Variants in ZNF804A observed in about 807,000 individuals in gnomAD.
The protein encoded by ZNF804A is zinc finger protein 804A.
ZNF804A carries 2 observed loss-of-function variants against 16.5 expected under a neutral mutation model. The observed-to-expected ratio is 0.12, with a 90% CI of 0.05 to 0.38. The LOEUF is 0.38. Among genes scored for constraint, ZNF804A ranks in the 10% least tolerant of loss-of-function variants. The pLI, the probability that ZNF804A is intolerant of heterozygous loss-of-function variation, is 0.99. For missense variants in ZNF804A, 1,473 were observed against 1,390.7 expected, an observed-to-expected ratio of 1.06 and a Z score of -0.94; for synonymous variants, 534 against 489.6, an observed-to-expected ratio of 1.09 and a Z score of -1.20.
At chr2:184,736,229 T>C (rs1319365088) in intron 1 of ZNF804A, among the ~76,000 whole-genome samples, 1 of 152,174 alleles carries the variant, frequency 6.6e-6, no homozygotes, top group African/African-American at 2.4e-5. Context: ...ATCCTGACCT[T>C]ACCAATTTCT....
chr2:184,623,317 T>A (rs1301519222), intron 1 of ZNF804A, among the ~76,000 whole-genome samples: 1 of 152,114 alleles, frequency 6.6e-6, no homozygotes, highest in Non-Finnish European at 1.5e-5. Context: ...TTCATTTTAA[T>A]GCTTGCATGA....
chr2:184,876,509 C>T (rs1177104274), intron 2 of ZNF804A, among the ~76,000 whole-genome samples: 1 of 152,020 alleles, frequency 6.6e-6, no homozygotes, highest in Admixed American at 6.6e-5. Flanking sequence ...CCTACAGAGC[C>T]CTCAAACCCA....
chr2:184,781,655 A>G (rs1038778586), intron 1 of ZNF804A, among the ~76,000 whole-genome samples: 1 of 151,806 alleles, frequency 6.6e-6, no homozygotes, highest in Non-Finnish European at 1.5e-5. Flanking sequence ...TATTGACTCC[A>G]CTTGCCTTAT....
intron 1 of ZNF804A, among the ~76,000 whole-genome samples, chr2:184,820,429 C>T (rs954979464): frequency 2.0e-5 from 3 of 151,686 alleles, no homozygotes; most frequent in South Asian, 4.2e-4. Flanking sequence ...AAATAATAAG[C>T]GCCATATATG....
intron 1 of ZNF804A, among the ~76,000 whole-genome samples, chr2:184,658,542 T>C (rs1174721171): frequency 6.6e-6 from 1 of 151,038 alleles, no homozygotes; most frequent in East Asian, 1.9e-4. Flanking sequence ...TGGGGAAGAG[T>C]ATTTAAGAGT....
At chr2:184,745,474 G>A (rs1049138821) in intron 1 of ZNF804A, among the ~76,000 whole-genome samples, 4 of 151,550 alleles carry the variant, frequency 2.6e-5, no homozygotes, top group Admixed American at 1.3e-4. Context: ...TTAAATCAAC[G>A]TTTTACTGAT....
chr2:184,860,160 C>T (rs182018780), intron 1 of ZNF804A, among the ~76,000 whole-genome samples: 19 of 152,302 alleles, frequency 1.2e-4, no homozygotes, highest in African/African-American at 2.6e-4. Context: ...TTGGGTCCTC[C>T]GGAGTCCAGG....
At chr2:184,644,458 G>T (rs1330274364) in intron 1 of ZNF804A, among the ~76,000 whole-genome samples, 1 of 150,944 alleles carries the variant, frequency 6.6e-6, no homozygotes, top group Non-Finnish European at 1.5e-5. Context: ...ATATTAAAAG[G>T]CATAAAAAGT....
intron 1 of ZNF804A, among the ~76,000 whole-genome samples, chr2:184,690,372 T>G (rs776027251): frequency 4.6e-5 from 7 of 152,024 alleles, no homozygotes; most frequent in Admixed American, 3.3e-4. Flanking sequence ...TATTCCATTC[T>G]AGTTGTCTAT....
At chr2:184,913,574 AG>A (rs1685396876) in intron 2 of ZNF804A, among the ~76,000 whole-genome samples, 1 of 152,090 alleles carries the variant, frequency 6.6e-6, no homozygotes, top group Non-Finnish European at 1.5e-5. Context: ...TTTTCCAGGT[AG>A]GGGATTGGGA....
At chr2:184,645,474 G>A (rs1347331849) in intron 1 of ZNF804A, among the ~76,000 whole-genome samples, 1 of 152,090 alleles carries the variant, frequency 6.6e-6, no homozygotes, top group Admixed American at 6.6e-5. Context: ...AGTGGGAGGT[G>A]ATGAACGTTT....
At chr2:184,755,325 A>G (rs1021141314) in intron 1 of ZNF804A, among the ~76,000 whole-genome samples, 2 of 151,904 alleles carry the variant, frequency 1.3e-5, no homozygotes, top group Non-Finnish European at 2.9e-5. Context: ...TTTCTATAAT[A>G]TGATTCCTTC....
At chr2:184,724,163 T>A (rs1451451768) in intron 1 of ZNF804A, among the ~76,000 whole-genome samples, 2 of 151,724 alleles carry the variant, frequency 1.3e-5, no homozygotes, top group African/African-American at 2.4e-5. Context: ...GCCATTGTAA[T>A]CCTGCTTCAA....
At chr2:184,774,504 G>A (rs1454478296) in intron 1 of ZNF804A, among the ~76,000 whole-genome samples, 1 of 151,656 alleles carries the variant, frequency 6.6e-6, no homozygotes, top group East Asian at 1.9e-4. Flanking sequence ...ACATCTTGTT[G>A]CTGTTCATTT....
chr2:184,780,890 C>T (rs528408604), intron 1 of ZNF804A, among the ~76,000 whole-genome samples: 24 of 151,820 alleles, frequency 1.6e-4, no homozygotes, highest in African/African-American at 5.5e-4. Flanking sequence ...TTATTTACTC[C>T]ACTTGCATCA....
chr2:184,760,949 C>T (rs532980953), intron 1 of ZNF804A, among the ~76,000 whole-genome samples: 2 of 152,228 alleles, frequency 1.3e-5, no homozygotes, highest in South Asian at 2.1e-4. Context: ...CATGGCATAT[C>T]TAACTGTTAG....
chr2:184,794,037 T>C (rs1332726612), intron 1 of ZNF804A, among the ~76,000 whole-genome samples: 1 of 152,138 alleles, frequency 6.6e-6, no homozygotes, highest in African/African-American at 2.4e-5. Context: ...AACATGTGTG[T>C]GCAAGTATCT....
chr2:184,903,453 A>G (rs957495511), intron 2 of ZNF804A, among the ~76,000 whole-genome samples: 8 of 152,136 alleles, frequency 5.3e-5, no homozygotes, highest in Non-Finnish European at 1.0e-4. Context: ...CCTAGGAGCA[A>G]TAGGCTATAC....
At chr2:184,878,859 A>G (rs764342865) in intron 2 of ZNF804A, among the ~76,000 whole-genome samples, 2 of 152,040 alleles carry the variant, frequency 1.3e-5, no homozygotes, top group Non-Finnish European at 2.9e-5. Context: ...GACAATCACC[A>G]GACCATACCC....
Sources: allele counts gnomAD v4.1 joint callset (sites outside exome capture counted in the v4.1 genomes callset), GRCh38; gene constraint gnomAD v4.1.1; transcripts MANE v1.5; gene names NCBI Gene and HGNC (gene_info 2026-07-23, HGNC 2026-07-21).